Variants in HS3ST4 observed in about 807,000 individuals in gnomAD.
HS3ST4 encodes the protein heparan sulfate-glucosamine 3-sulfotransferase 4.
In HS3ST4, 17 loss-of-function variants were observed where a neutral mutation model predicts 29.2. The observed-to-expected ratio is 0.58, with a 90% CI of 0.40 to 0.87. The LOEUF (loss-of-function observed/expected upper bound fraction) is 0.87. HS3ST4 is among the 40% of genes least tolerant of loss of function. The pLI is 0.00. For missense variants in HS3ST4, 627 were observed against 634.5 expected (o/e 0.99, Z 0.13); for synonymous variants, 314 against 285.7 (o/e 1.10, Z -1.00).
chr16:25,733,974 G>T (rs918375204), intron 1 of HS3ST4, among the ~76,000 whole-genome samples: 1 of 152,156 alleles, frequency 6.6e-6, no homozygotes, highest in African/African-American at 2.4e-5. Flanking sequence ...AAAATTAGTT[G>T]GGAGTGGTGG....
In HS3ST4 at chr16:25,984,043, T is replaced by C. The variant is rs562126860; in HGVS notation, c.735-151569T>C. On this transcript the variant is annotated intron_variant, in intron 1 of 1. Transcript: ENST00000331351. ...ATCAGGGTAATTTGCATATCCATCATCTCCAGCATGTGTCATTTCTTCCTG... is the reference window on the plus strand; with the variant it reads ...ATCAGGGTAATTTGCATATCCATCACCTCCAGCATGTGTCATTTCTTCCTG... Among the ~76,000 whole-genome samples the C allele has an allele frequency of 1.2e-3, 184 of 152,320 alleles. 1 individual carries two copies. The highest frequency in any genetic ancestry group is 4.4e-3 in the African/African-American group (184 of 41,562).
chr16:25,907,326 G>A (rs1596610329), intron 1 of HS3ST4, among the ~76,000 whole-genome samples: 1 of 152,186 alleles, frequency 6.6e-6, no homozygotes, highest in East Asian at 1.9e-4. Context: ...CAGTAGGAAA[G>A]CTTAGTGATT....
intron 1 of HS3ST4, among the ~76,000 whole-genome samples, chr16:26,131,125 A>G (rs1165311277): frequency 6.6e-6 from 1 of 151,208 alleles, no homozygotes; most frequent in African/African-American, 2.4e-5. Context: ...TTTAAAATCT[A>G]CTCCTATTCT....
intron 1 of HS3ST4, among the ~76,000 whole-genome samples, chr16:25,854,626 G>T (rs1195865200): frequency 6.6e-6 from 1 of 151,884 alleles, no homozygotes; most frequent in African/African-American, 2.4e-5. Flanking sequence ...GAGTTGCTCT[G>T]GTTCAAACGC....
At chr16:25,773,248 T>A (rs1226797262) in intron 1 of HS3ST4, among the ~76,000 whole-genome samples, 8 of 152,174 alleles carry the variant, frequency 5.3e-5, no homozygotes, top group African/African-American at 1.9e-4. Context: ...TCAGGCTGAC[T>A]TCTGTGTTCC....
chr16:26,067,167 G>A (rs1364724194), intron 1 of HS3ST4, among the ~76,000 whole-genome samples: 1 of 152,034 alleles, frequency 6.6e-6, no homozygotes, highest in African/African-American at 2.4e-5. Context: ...CAAACAAATT[G>A]CAATTGAAAT....
chr16:25,999,347 T>C (rs894343278), intron 1 of HS3ST4, among the ~76,000 whole-genome samples: 1 of 152,162 alleles, frequency 6.6e-6, no homozygotes, highest in Non-Finnish European at 1.5e-5. Context: ...ATGGTGCTGC[T>C]AGGGTTAGCT....
intron 1 of HS3ST4, among the ~76,000 whole-genome samples, chr16:25,822,354 T>G (rs1224693797): frequency 6.6e-6 from 1 of 152,108 alleles, no homozygotes; most frequent in Non-Finnish European, 1.5e-5. Context: ...CCTCGTGACC[T>G]CCTCTCCTCC....
At chr16:25,726,877 G>T (rs745471744) in intron 1 of HS3ST4, among the ~76,000 whole-genome samples, 13 of 152,092 alleles carry the variant, frequency 8.5e-5, no homozygotes, top group Non-Finnish European at 1.5e-4. Context: ...CTGCCAAAAA[G>T]AAATGCATAC....
chr16:25,894,173 C>T (rs1229636604), intron 1 of HS3ST4, among the ~76,000 whole-genome samples: 1 of 152,110 alleles, frequency 6.6e-6, no homozygotes, highest in Admixed American at 6.5e-5. Flanking sequence ...AGTGGCTTTC[C>T]TTGGAGTGCT....
At chr16:26,025,256 G>A in intron 1 of HS3ST4, 1 of 154,606 alleles carries the variant, frequency 6.5e-6, no homozygotes, top group Middle Eastern at 5.4e-4. Context: ...AAAAGTAACT[G>A]CGGTTTTTGC....
chr16:25,991,678 A>G (rs1969114628), intron 1 of HS3ST4, among the ~76,000 whole-genome samples: 1 of 152,220 alleles, frequency 6.6e-6, no homozygotes, highest in Admixed American at 6.5e-5. Context: ...ATCTCCAGGC[A>G]ATCTCATGAG....
intron 1 of HS3ST4, among the ~76,000 whole-genome samples, chr16:25,935,395 A>G (rs1286996222): frequency 2.6e-5 from 4 of 152,202 alleles, no homozygotes; most frequent in Non-Finnish European, 5.9e-5. Context: ...AGACAAATGT[A>G]TAATGGCTTG....
At chr16:25,996,797 C>T (rs1324357730) in intron 1 of HS3ST4, among the ~76,000 whole-genome samples, 1 of 151,998 alleles carries the variant, frequency 6.6e-6, no homozygotes, top group Non-Finnish European at 1.5e-5. Flanking sequence ...ATTTGGGATC[C>T]TATTTAAAAT....
At chr16:25,902,530 T>G (rs969310502) in intron 1 of HS3ST4, among the ~76,000 whole-genome samples, 11 of 151,942 alleles carry the variant, frequency 7.2e-5, no homozygotes, top group African/African-American at 2.7e-4. Context: ...AAAAGACAAT[T>G]ATTTTGGATA....
At chr16:25,693,189 G>C (rs972470693) in intron 1 of HS3ST4, 38 bp downstream of exon 1, 2 of 1,510,372 alleles carry the variant, frequency 1.3e-6, no homozygotes, top group Non-Finnish European at 1.8e-6. Context: ...GGAGACGCGT[G>C]GGGGAGACGC....
chr16:25,877,023 G>A (rs1176354420), intron 1 of HS3ST4, among the ~76,000 whole-genome samples: 2 of 152,012 alleles, frequency 1.3e-5, no homozygotes, highest in African/African-American at 4.8e-5. Context: ...TATACAGTAA[G>A]TGTCAGTAAA....
At chr16:26,014,937 T>G (rs137903361) in intron 1 of HS3ST4, among the ~76,000 whole-genome samples, 7 of 152,350 alleles carry the variant, frequency 4.6e-5, no homozygotes, top group Non-Finnish European at 8.8e-5. Flanking sequence ...AGACTTCTTC[T>G]GGCTAATATG....
chr16:26,019,888 G>A (rs950066119), intron 1 of HS3ST4, among the ~76,000 whole-genome samples: 3 of 152,152 alleles, frequency 2.0e-5, no homozygotes, highest in African/African-American at 7.2e-5. Context: ...GCATCACACA[G>A]CCACCACAAT....
Sources: gnomAD v4.1 joint callset for allele counts (sites outside exome capture counted in the v4.1 genomes callset) on GRCh38, gnomAD v4.1.1 for gene constraint, MANE v1.5 for transcripts, NCBI Gene and HGNC (gene_info 2026-07-23, HGNC 2026-07-21) for gene names.